SH2D4A: variants seen among roughly 807,000 people sequenced by gnomAD.
SH2D4A encodes the protein SH2 domain-containing protein 4A.
Under a neutral mutation model 64.7 loss-of-function variants are expected in SH2D4A, and 70 were observed. That is an observed-to-expected ratio of 1.08 (90% CI 0.89 to 1.32). SH2D4A has a LOEUF of 1.32. SH2D4A is among the 40% of genes most tolerant of loss of function. SH2D4A has a pLI of 0.00. For missense variants in SH2D4A, 706 were observed against 540.1 expected, an observed-to-expected ratio of 1.31 and a Z score of -3.04; for synonymous variants, 268 against 200.7, an observed-to-expected ratio of 1.34 and a Z score of -2.83.
chr8:19,322,364 A>G (rs1204686821), intron 2 of SH2D4A, among the ~76,000 whole-genome samples: 1 of 152,250 alleles, frequency 6.6e-6, no homozygotes, highest in East Asian at 1.9e-4. Context: ...TCTGGTTAGT[A>G]CTGAGCTAAG....
chr8:19,393,645 G>T, intron 9 of SH2D4A, 104 bp downstream of exon 9: 1 of 1,111,570 alleles, frequency 9.0e-7, no homozygotes, highest in South Asian at 1.4e-5. Flanking sequence ...AAGTACTGGG[G>T]AGGGGACAGG....
At position 19,346,919 on chromosome 8, in the gene SH2D4A, C is replaced by T. The variant is rs372703191; in HGVS notation, c.514-10284C>T. Among the ~76,000 whole-genome samples, 37 of 152,280 alleles carry T rather than the reference C, an allele frequency of 2.4e-4. No individual in the cohort carries two copies. The East Asian group carries it at 2.5e-3, about 10-fold the overall frequency. Reference sequence around the variant, plus strand: ...TATCAGGAGGCCAGGCTTCGTCCTTCGCATTCTTCATATGAAGAGTTGGAG... The same window carrying T: ...TATCAGGAGGCCAGGCTTCGTCCTTTGCATTCTTCATATGAAGAGTTGGAG... On this transcript the variant is annotated intron_variant, in intron 4 of 9. Transcript: ENST00000265807.
chr8:19,357,304 C>T lies in SH2D4A; in HGVS notation c.594+21C>T, dbSNP rs777877252. The stretch of plus-strand genomic sequence containing the variant: ...ACCAGGTAAAAGACTTCCCTTCTGT[C>T]CTCCGGGGGCTGCATACCTAGGCAT... On this transcript the variant is annotated intron_variant, in intron 5 of 9. Coordinates refer to ENST00000265807, the MANE Select transcript of SH2D4A (RefSeq NM_022071.4). 4 of 1,548,726 alleles carry T rather than the reference C, an allele frequency of 2.6e-6. No homozygotes were observed. The East Asian group carries it at 9.0e-5, about 35-fold the overall frequency.
At chr8:19,320,003 A>G (rs759433147) in intron 2 of SH2D4A, among the ~76,000 whole-genome samples, 3 of 152,152 alleles carry the variant, frequency 2.0e-5, no homozygotes, top group Non-Finnish European at 4.4e-5. Flanking sequence ...ATGAGGTTTG[A>G]TTTGAGGGGT....
chr8:19,316,437 A>G (rs2052089743), intron 1 of SH2D4A, among the ~76,000 whole-genome samples: 1 of 152,182 alleles, frequency 6.6e-6, no homozygotes, highest in Admixed American at 6.5e-5. Flanking sequence ...GAAATTGTAG[A>G]GACGAAGTGG....
intron 8 of SH2D4A, among the ~76,000 whole-genome samples, chr8:19,388,758 C>A (rs981124985): frequency 1.3e-5 from 2 of 152,178 alleles, no homozygotes; most frequent in African/African-American, 4.8e-5. Flanking sequence ...AAGTGTCCCA[C>A]AGAAGGAAGT....
At chr8:19,384,870 G>A (rs2053357686) in intron 8 of SH2D4A, among the ~76,000 whole-genome samples, 2 of 152,158 alleles carry the variant, frequency 1.3e-5, no homozygotes, top group African/African-American at 2.4e-5. Context: ...CTCAGAAACT[G>A]GCAGGGACTG....
Position 19,393,445 on chromosome 8 carries a change from A to G in SH2D4A, c.1176A>G (p.Lys392=). 1.2e-6 allele frequency: 2 copies of G among 1,614,234 alleles called. No homozygotes were observed. The highest frequency in any genetic ancestry group is 1.1e-5 in the South Asian group (1 of 91,090). ...ALSYLSEDGC[K]HFLIDASADA... is the part of the protein sequence containing the mutation. ...CCTATCTGTCGGAGGACGGCTGTAAACATTTCCTCATCGATGCCTCTGCAG... is the reference window on the plus strand; with the variant it reads ...CCTATCTGTCGGAGGACGGCTGTAAGCATTTCCTCATCGATGCCTCTGCAG... Residue 392 remains lysine (K), a synonymous_variant, in exon 9 of 10, where the codon AAA becomes AAG. Transcript: ENST00000265807.
In SH2D4A at chr8:19,326,861, G is replaced by T. The variant is rs185694925; in HGVS notation, c.182-6094G>T. ...GGCTGGCATTCACTGCCCCCGAGGA[G>T]CTAATCCACACTGATGCCCACATCT... On this transcript the variant is annotated intron_variant, in intron 2 of 9. Transcript: ENST00000265807. 1.0e-3 allele frequency among the ~76,000 whole-genome samples: 153 copies of T among 152,290 alleles called. 2 individuals carry two copies. Among genetic ancestry groups the T allele is most frequent in the African/African-American group, 3.6e-3 (148 of 41,578 alleles).
At chr8:19,356,604 C>G (rs1488301935) in intron 4 of SH2D4A, among the ~76,000 whole-genome samples, 1 of 152,122 alleles carries the variant, frequency 6.6e-6, no homozygotes, top group Admixed American at 6.6e-5. Context: ...GGAATGACAC[C>G]AGGGACTTTA....
intron 4 of SH2D4A, among the ~76,000 whole-genome samples, chr8:19,343,151 G>A (rs940987886): frequency 6.6e-6 from 1 of 152,138 alleles, no homozygotes; most frequent in Admixed American, 6.6e-5. Context: ...AAAACCAGGT[G>A]TAGTGGCTCA....
chr8:19,375,908 C>G (rs2053187828), intron 8 of SH2D4A, among the ~76,000 whole-genome samples: 1 of 152,064 alleles, frequency 6.6e-6, no homozygotes, highest in African/African-American at 2.4e-5. Flanking sequence ...CAAACTCCTC[C>G]CTGTGATCCA....
At position 19,394,758 on chromosome 8, in the gene SH2D4A, A is replaced by C; in HGVS notation, c.*116A>C. 1.9e-6 allele frequency: 1 copy of C among 536,034 alleles called. No individual in the cohort carries two copies. Among genetic ancestry groups the C allele is most frequent in the Non-Finnish European group, 3.1e-6 (1 of 326,674 alleles). The allele number at this position is 536,034 out of a possible 1,614,324, so 33.2% of individuals were successfully genotyped here. A position where few individuals can be genotyped will look rare whatever the true frequency, so the allele number is the denominator to read the frequency against. On this transcript the variant is annotated 3_prime_UTR_variant, in exon 10 of 10. Transcript: ENST00000265807. ...CCTGCAGCAGAGCCAATACTGATCA[A>C]CTGAAAGTAAAGTATCCATGGAGTC...
intron 8 of SH2D4A, among the ~76,000 whole-genome samples, chr8:19,387,915 G>A (rs2053418103): frequency 1.3e-5 from 2 of 152,164 alleles, no homozygotes; most frequent in African/African-American, 4.8e-5. Flanking sequence ...AATGAAGTGA[G>A]GATGAATAAC....
chr8:19,326,103 G>GT (rs1250070868), intron 2 of SH2D4A, among the ~76,000 whole-genome samples: 1 of 152,200 alleles, frequency 6.6e-6, no homozygotes, highest in Non-Finnish European at 1.5e-5. Flanking sequence ...GCCTAAACAA[G>GT]TTTTGCCATC....
intron 4 of SH2D4A, among the ~76,000 whole-genome samples, chr8:19,350,573 C>T (rs2052685941): frequency 1.3e-5 from 2 of 152,070 alleles, no homozygotes; most frequent in South Asian, 4.1e-4. Context: ...GCCCTGACCT[C>T]CCCAGGCTCA....
intron 7 of SH2D4A, among the ~76,000 whole-genome samples, chr8:19,367,910 C>T (rs976132928): frequency 1.3e-5 from 2 of 152,032 alleles, no homozygotes; most frequent in African/African-American, 4.8e-5. Flanking sequence ...ACAGTCATCC[C>T]TATGAACAAA....
At chr8:19,386,584 C>T (rs1032036279) in intron 8 of SH2D4A, among the ~76,000 whole-genome samples, 2 of 152,104 alleles carry the variant, frequency 1.3e-5, no homozygotes, top group African/African-American at 4.8e-5. Flanking sequence ...CTTGTAGTTC[C>T]CTGTCCTGCT....
chr8:19,349,397 A>T (rs1023634663), intron 4 of SH2D4A, among the ~76,000 whole-genome samples: 3 of 152,236 alleles, frequency 2.0e-5, no homozygotes, highest in African/African-American at 7.2e-5. Flanking sequence ...AATAATCAAA[A>T]TTTCTAAAAT....
Sources: gnomAD v4.1 joint callset for allele counts (sites outside exome capture counted in the v4.1 genomes callset) on GRCh38, gnomAD v4.1.1 for gene constraint, MANE v1.5 for transcripts, NCBI Gene and HGNC (gene_info 2026-07-23, HGNC 2026-07-21) for gene names.